BCAR1: variants seen among roughly 807,000 people sequenced by gnomAD.
BCAR1 encodes BCAR1 scaffold protein, Cas family member.
A neutral mutation model predicts 67.6 loss-of-function variants in BCAR1; 30 were observed. That is an observed-to-expected ratio of 0.44 (90% CI 0.33 to 0.60). The LOEUF is 0.60. Ranked by LOEUF, BCAR1 falls within the 20% of genes least tolerant of loss-of-function variation. The pLI is 0.02. For synonymous variants in BCAR1, 626 were observed against 556.7 expected (o/e 1.12, Z -1.75); for missense variants, 1,313 against 1,222.3 (o/e 1.07, Z -1.11).
Position 75,233,967 on chromosome 16 carries a change from C to T in BCAR1, c.2011-32G>A, listed in dbSNP as rs1402384908. On this transcript the variant is annotated intron_variant, in intron 5 of 6. Coordinates refer to ENST00000162330, the MANE Select transcript of BCAR1 (RefSeq NM_014567.5). ...GGCAGAGACAGGGGCTGCGCTGAGGCCAGTTTTCTGAGCCAGAAGCACAGG... is the reference window on the plus strand; with the variant it reads ...GGCAGAGACAGGGGCTGCGCTGAGGTCAGTTTTCTGAGCCAGAAGCACAGG... The T allele has an allele frequency of 2.6e-6, 4 of 1,566,538 alleles. No homozygotes were observed. In the Admixed American group the frequency reaches 7.4e-5, roughly 29 times the overall value.
chr16:75,264,657 A>G, intron 1 of BCAR1: 1 of 1,258,230 alleles, frequency 7.9e-7, no homozygotes. Context: ...TTAATTCCAC[A>G]ATAACAATGC....
intron 2 of BCAR1, among the ~76,000 whole-genome samples, chr16:75,241,911 G>A (rs1001817909): frequency 6.6e-6 from 1 of 152,190 alleles, no homozygotes; most frequent in African/African-American, 2.4e-5. Context: ...AGCCCAGGAG[G>A]CTCTCAGGGC....
upstream of BCAR1, chr16:75,252,320 G>C: frequency 6.5e-7 from 1 of 1,536,290 alleles, no homozygotes; most frequent in Non-Finnish European, 8.7e-7. Context: ...CCTAGGTTCA[G>C]CCTAAAACCT....
exon 1 of BCAR1, chr16:75,267,971 G>A: frequency 1.3e-6 from 2 of 1,595,338 alleles, no homozygotes; most frequent in Non-Finnish European, 1.7e-6. Flanking sequence ...GCCTCACCAG[G>A]GCAGTGCATG....
rs890933316 is a variant in BCAR1 at position 75,237,313 on chromosome 16, T to C, written c.665A>G (p.Tyr222Cys). 2.6e-5 allele frequency: 40 copies of C among 1,510,420 alleles called. No homozygotes were observed. Among genetic ancestry groups the C allele is most frequent in the Middle Eastern group, 1.7e-4 (1 of 5,726 alleles). The allele number at this position is 1,510,420 out of a possible 1,614,324, so 93.6% of individuals were successfully genotyped here. ...VVVPTRVGQG[Y>C]VYEAAQPEQD... is the part of the protein sequence containing the mutation. ...CTCCGGCTGGGCGGCCTCGTATACA[T>C]AGCCCTGCCCCACGCGGGTGGGCAC... The change falls in exon 3 of 7, where the codon TAT (tyrosine) becomes TGT (cysteine). Residue 222 changes from tyrosine to cysteine, a missense_variant. Physicochemically the swap from Tyr to Cys is radical, Grantham distance 194 (BLOSUM62 -2). Coordinates refer to ENST00000162330, the MANE Select transcript of BCAR1 (RefSeq NM_014567.5).
chr16:75,238,823 AG>A, intron 2 of BCAR1: 1 of 985,392 alleles, frequency 1.0e-6, no homozygotes, highest in Non-Finnish European at 1.2e-6. Flanking sequence ...GGCGGGGCGG[AG>A]GGACGTGGCA....
At position 75,263,329 on chromosome 16, in the gene BCAR1, G is replaced by C. The variant is rs1049653299; in HGVS notation, c.66+4586C>G. Reference sequence around the variant, plus strand: ...AATGCCAGCCAGAGGTCTGAGGTGGGTGGCACATTTCCTTCCAAATGTGTC... The same window carrying C: ...AATGCCAGCCAGAGGTCTGAGGTGGCTGGCACATTTCCTTCCAAATGTGTC... On this transcript the variant is annotated intron_variant, in intron 1 of 6. Transcript: ENST00000393422. 3 of 985,360 alleles carry C rather than the reference G, an allele frequency of 3.0e-6. No homozygotes were observed. The South Asian group carries it at 1.4e-4, about 46-fold the overall frequency. 61.0% of individuals were successfully genotyped at this position (985,360 alleles called of 1,614,324 possible).
chr16:75,252,306 C>G (rs547094081), upstream of BCAR1: 4 of 1,536,524 alleles, frequency 2.6e-6, no homozygotes, highest in South Asian at 4.8e-5. Context: ...TCTCATTACT[C>G]ATTCCTAGGT....
chr16:75,266,036 C>T (rs1233340627), intron 1 of BCAR1: 9 of 1,027,870 alleles, frequency 8.8e-6, no homozygotes, highest in East Asian at 9.4e-5. Flanking sequence ...CCCCCACCGT[C>T]TCCGCGGCCA....
At chr16:75,267,283 T>G (rs1255306051) in intron 1 of BCAR1, among the ~76,000 whole-genome samples, 2 of 151,380 alleles carry the variant, frequency 1.3e-5, no homozygotes, top group Non-Finnish European at 2.9e-5. Flanking sequence ...TCCAGTAGAG[T>G]ATGGTTGCCC....
intron 1 of BCAR1, among the ~76,000 whole-genome samples, chr16:75,258,031 G>A (rs2077821472): frequency 6.6e-6 from 1 of 152,188 alleles, no homozygotes; most frequent in African/African-American, 2.4e-5. Flanking sequence ...GGGGCCATCA[G>A]ACTGATGGCA....
At chr16:75,248,402 A>G in intron 1 of BCAR1, 1 of 1,178,910 alleles carries the variant, frequency 8.5e-7, no homozygotes, top group South Asian at 1.8e-5. Context: ...CTTGTCCCAA[A>G]GAGCCTCCGT....
chr16:75,241,167 G>C (rs1401853934), intron 2 of BCAR1, among the ~76,000 whole-genome samples: 2 of 152,230 alleles, frequency 1.3e-5, no homozygotes, highest in Non-Finnish European at 2.9e-5. Flanking sequence ...GGGTGAGTAT[G>C]CACGTGTGTT....
At chr16:75,247,796 C>G (rs1012948882) in intron 1 of BCAR1, 2 of 526,696 alleles carry the variant, frequency 3.8e-6, no homozygotes, top group Non-Finnish European at 6.9e-6. Context: ...TGGCCTGCAC[C>G]CTTTCACCCA....
chr16:75,253,747 G>A (rs2077724028), upstream of BCAR1, among the ~76,000 whole-genome samples: 3 of 151,778 alleles, frequency 2.0e-5, no homozygotes, highest in Non-Finnish European at 2.9e-5. Context: ...TAGCTGGGGG[G>A]TGGGGGAGGA....
rs139726419 is a variant in BCAR1, at chr16:75,248,197, G to A, written c.12+3274C>T. 2.9e-4 allele frequency: 458 copies of A among 1,561,070 alleles called. 2 individuals carry two copies. The Middle Eastern group carries it at 3.8e-3, about 13-fold the overall frequency. On this transcript the variant is annotated intron_variant, in intron 1 of 6. Coordinates refer to ENST00000162330, the MANE Select transcript of BCAR1 (RefSeq NM_014567.5). ...CACTTTATCTCCACCGAGGGGTGAC[G>A]CCTGGGTTCGTGGAAACCACCAGAG...
intron 6 of BCAR1, among the ~76,000 whole-genome samples, chr16:75,233,056 C>T (rs1395718550): frequency 6.6e-6 from 1 of 152,166 alleles, no homozygotes; most frequent in East Asian, 1.9e-4. Context: ...ATTAACATGT[C>T]TGCATATAAA....
intron 1 of BCAR1, chr16:75,243,409 T>C: frequency 1.6e-6 from 1 of 606,792 alleles, no homozygotes; most frequent in African/African-American, 1.8e-5. Context: ...CTCTGCTACC[T>C]GGACCAACAC....
chr16:75,237,118 C>T, intron 3 of BCAR1, 65 bp downstream of exon 3: 1 of 1,504,604 alleles, frequency 6.6e-7, no homozygotes, highest in Non-Finnish European at 8.9e-7. Context: ...AGCTCTCGGC[C>T]CAGGGCCAAG....
Sources: allele counts gnomAD v4.1 joint callset (sites outside exome capture counted in the v4.1 genomes callset), GRCh38; gene constraint gnomAD v4.1.1; transcripts MANE v1.5; gene names NCBI Gene and HGNC (gene_info 2026-07-23, HGNC 2026-07-21).